The following C1QTNF7 variants were observed in gnomAD, a reference collection of about 807,000 sequenced individuals.
C1QTNF7 encodes C1q and TNF related 7.
Under a neutral mutation model 19.6 loss-of-function variants are expected in C1QTNF7, and 15 were observed. That is an observed-to-expected ratio of 0.76 (90% CI 0.51 to 1.18). The LOEUF is 1.18. Ranked by LOEUF, C1QTNF7 falls within the 50% of genes most tolerant of loss-of-function variation. The pLI is 0.00. For synonymous variants in C1QTNF7, 142 were observed against 137.5 expected, an observed-to-expected ratio of 1.03 and a Z score of -0.23; for missense variants, 324 against 359.7, an observed-to-expected ratio of 0.90 and a Z score of 0.80.
chr4:15,384,742 T>C (rs542646774), intron 1 of C1QTNF7, among the ~76,000 whole-genome samples: 10 of 152,374 alleles, frequency 6.6e-5, no homozygotes, highest in African/African-American at 2.2e-4. Flanking sequence ...GATCAGGCTC[T>C]TATCTCCAAA....
intron 1 of C1QTNF7, among the ~76,000 whole-genome samples, chr4:15,381,214 A>G (rs1427030390): frequency 6.6e-6 from 1 of 151,986 alleles, no homozygotes; most frequent in Non-Finnish European, 1.5e-5. Flanking sequence ...TCAGAAGATC[A>G]AGACAATCCT....
At chr4:15,371,525 G>A (rs1010370328) in intron 1 of C1QTNF7, among the ~76,000 whole-genome samples, 12 of 152,152 alleles carry the variant, frequency 7.9e-5, no homozygotes, top group Admixed American at 7.2e-4. Context: ...ACAGACTGGT[G>A]AGGGAGACAA....
intron 1 of C1QTNF7, among the ~76,000 whole-genome samples, chr4:15,366,847 T>C (rs1281592685): frequency 6.6e-6 from 1 of 152,190 alleles, no homozygotes; most frequent in Non-Finnish European, 1.5e-5. Flanking sequence ...AGTGCATGTG[T>C]GACTCCTGCG....
Position 15,442,811 on chromosome 4 carries a change from A to T in C1QTNF7, c.*12A>T. The T allele has an allele frequency of 1.3e-6, 2 of 1,581,980 alleles. No individual in the cohort carries two copies. Among genetic ancestry groups the T allele is most frequent in the South Asian group, 1.2e-5 (1 of 85,820 alleles). On this transcript the variant is annotated 3_prime_UTR_variant, in exon 3 of 3. Transcript: ENST00000444304. ...ATGATGAATTGTGATCAGGACCAAG[A>T]TCCCTGTGGTAAACACTCTGATTGA...
chr4:15,381,837 T>C (rs1006973143), intron 1 of C1QTNF7: 2 of 152,190 alleles, frequency 1.3e-5, no homozygotes, highest in African/African-American at 4.8e-5. Flanking sequence ...AACTCTTTAA[T>C]TGTGAGAAAT....
intron 1 of C1QTNF7, among the ~76,000 whole-genome samples, chr4:15,353,217 T>C (rs1434932890): frequency 6.6e-6 from 1 of 152,128 alleles, no homozygotes; most frequent in East Asian, 1.9e-4. Flanking sequence ...AAAAAGCCAG[T>C]GACATTTTGT....
intron 1 of C1QTNF7, chr4:15,374,873 T>TCTC (rs1560346764): frequency 1.7e-6 from 1 of 579,828 alleles, no homozygotes; most frequent in African/African-American, 2.1e-5. Flanking sequence ...CTCTCTCTCT[T>TCTC]TTTTTTTATG....
chr4:15,435,842 C>A lies in C1QTNF7; in HGVS notation c.99C>A (p.Ile33=), dbSNP rs749287535. Residue 33 remains isoleucine, a synonymous_variant, in exon 2 of 3, where the codon ATC becomes ATA. Coordinates refer to ENST00000444304, the MANE Select transcript of C1QTNF7 (RefSeq NM_031911.5). ...LKGENYSPRY[I]CSIPGLPGPP... is the part of the protein sequence containing the mutation. ...GAGAGAACTACTCCCCCAGGTATAT[C>A]TGCAGCATTCCTGGCTTGCCTGGAC... 2 of 1,614,114 alleles carry A rather than the reference C, an allele frequency of 1.2e-6. No individual in the cohort carries two copies. Among genetic ancestry groups the A allele is most frequent in the Non-Finnish European group, 1.7e-6 (2 of 1,180,024 alleles).
intron 1 of C1QTNF7, among the ~76,000 whole-genome samples, chr4:15,416,391 C>T (rs1000383042): frequency 6.6e-6 from 1 of 152,212 alleles, no homozygotes; most frequent in Admixed American, 6.5e-5. Flanking sequence ...GTTCAACTCC[C>T]TCTGTTACCT....
At chr4:15,357,660 T>C (rs1307266563) in intron 1 of C1QTNF7, among the ~76,000 whole-genome samples, 1 of 152,208 alleles carries the variant, frequency 6.6e-6, no homozygotes, top group African/African-American at 2.4e-5. Context: ...ATTGAATCTT[T>C]AAGTTACTTT....
At chr4:15,401,754 G>A (rs963859356) in intron 1 of C1QTNF7, among the ~76,000 whole-genome samples, 9 of 152,072 alleles carry the variant, frequency 5.9e-5, no homozygotes, top group African/African-American at 1.9e-4. Context: ...GCAGAGCTCA[G>A]GAAATCAATG....
At chr4:15,377,321 G>A (rs1039588129) in intron 1 of C1QTNF7, among the ~76,000 whole-genome samples, 1 of 152,056 alleles carries the variant, frequency 6.6e-6, no homozygotes, top group African/African-American at 2.4e-5. Context: ...TGATACCCCC[G>A]TGCTTTCTTC....
chr4:15,380,728 C>T (rs183109308), intron 1 of C1QTNF7, among the ~76,000 whole-genome samples: 13 of 152,016 alleles, frequency 8.6e-5, no homozygotes, highest in South Asian at 4.2e-4. Flanking sequence ...TGAGGCCAGG[C>T]GTTTGAGACA....
At chr4:15,402,700 C>T (rs1219987101) in intron 1 of C1QTNF7, among the ~76,000 whole-genome samples, 1 of 152,162 alleles carries the variant, frequency 6.6e-6, no homozygotes, top group Admixed American at 6.5e-5. Flanking sequence ...ACACTAAATT[C>T]TGGAATTGTT....
intron 1 of C1QTNF7, among the ~76,000 whole-genome samples, chr4:15,382,889 G>A (rs767371724): frequency 2.2e-4 from 33 of 152,136 alleles, no homozygotes; most frequent in Non-Finnish European, 4.4e-4. Flanking sequence ...CACATTTCCT[G>A]GCCCAAGTGC....
At chr4:15,396,327 T>C (rs1304446089) in intron 1 of C1QTNF7, among the ~76,000 whole-genome samples, 2 of 151,996 alleles carry the variant, frequency 1.3e-5, no homozygotes, top group Admixed American at 6.6e-5. Flanking sequence ...TGCCTTCAAA[T>C]GGGAGGGGCA....
chr4:15,395,399 C>T (rs1192369909), intron 1 of C1QTNF7, among the ~76,000 whole-genome samples: 2 of 152,212 alleles, frequency 1.3e-5, no homozygotes, highest in Non-Finnish European at 2.9e-5. Context: ...TCTGTAAGAA[C>T]TGGCTATGCC....
Position 15,403,521 on chromosome 4 carries a change from C to T in C1QTNF7, c.14-32215C>T, listed in dbSNP as rs140301100. ...CTTGGGGTTTCTGGGATCGTAGGCA[C>T]AACATTCCCATGTCTGCCTCTGTCA... On this transcript the variant is annotated intron_variant, in intron 1 of 2. Coordinates refer to the C1QTNF7 transcript ENST00000295297. 1.2e-3 allele frequency among the ~76,000 whole-genome samples: 179 copies of T among 152,292 alleles called. 2 individuals carry two copies. The highest frequency in any genetic ancestry group is 4.2e-3 in the African/African-American group (176 of 41,554).
rs61609914 is a variant in C1QTNF7, at chr4:15,420,826, C to CTTTTTTTTTTTTTT, written c.14-14894_14-14881dup. Among the ~76,000 whole-genome samples the CTTTTTTTTTTTTTT allele has an allele frequency of 1.8e-4, 12 of 66,244 alleles. 2 individuals are homozygous for CTTTTTTTTTTTTTT. The highest frequency in any genetic ancestry group is 4.9e-4 in the African/African-American group (8 of 16,202). The allele number at this position is 66,244 out of a possible 152,430, so 43.5% of individuals were successfully genotyped here. ...CTAGGGTAACATTCCACTGCTTTGT[C>CTTTTTTTTTTTTTT]TTTTTTTTTTTTTTTTTTTTTTTTT... On this transcript the variant is annotated intron_variant, in intron 1 of 2. Coordinates refer to the C1QTNF7 transcript ENST00000295297.
Sources: allele counts gnomAD v4.1 joint callset (sites outside exome capture counted in the v4.1 genomes callset), GRCh38; gene constraint gnomAD v4.1.1; transcripts MANE v1.5; gene names NCBI Gene and HGNC (gene_info 2026-07-23, HGNC 2026-07-21).